The following ROBO3 variants were observed in gnomAD, a reference collection of about 807,000 sequenced individuals.
The protein encoded by ROBO3 is roundabout guidance receptor 3, also known as roundabout homolog 3.
ROBO3 carries 97 observed loss-of-function variants against 160.5 expected under a neutral mutation model. The observed-to-expected ratio is 0.60, with a 90% confidence interval of 0.51 to 0.72. The LOEUF is 0.72. Ranked by LOEUF, ROBO3 falls within the 30% of genes least tolerant of loss-of-function variation. ROBO3 has a pLI of 0.00. For missense variants in ROBO3, 1,858 were observed against 1,846.5 expected, an observed-to-expected ratio of 1.01 and a Z score of -0.11; for synonymous variants, 780 against 746.2, an observed-to-expected ratio of 1.05 and a Z score of -0.74.
chr11:124,877,441 C>G, intron 19 of ROBO3, 78 bp from the exon 20 acceptor site: 3 of 1,597,130 alleles, frequency 1.9e-6, no homozygotes, highest in Non-Finnish European at 1.7e-6. Context: ...TCCTGAAACT[C>G]CCGAATATCG....
At chr11:124,875,853 T>G (rs929697693) in intron 15 of ROBO3, 101 bp from the exon 16 acceptor site, 3 of 1,472,492 alleles carry the variant, frequency 2.0e-6, no homozygotes, top group Non-Finnish European at 2.8e-6. Flanking sequence ...CCAGGTTGAA[T>G]TACATCTGTA....
chr11:124,880,582 C>T lies in ROBO3; in HGVS notation c.4123C>T (p.Gln1375Ter). 6.4e-7 allele frequency: 1 copy of T among 1,551,052 alleles called. No individual in the cohort carries two copies. The highest frequency in any genetic ancestry group is 8.7e-7 in the Non-Finnish European group (1 of 1,147,166). ...RSRSQSRSQS[Q>*]RPGQKRREEP... ...TCGGAGTCAGAGCCGGAGCCAGAGC[C>T]AAAGGCCAGGACAGAAACGCCGAGA... The change falls in exon 27 of 28, where the codon CAA becomes TAA. Residue 1375 changes from glutamine (Q) to a stop codon, truncating the protein, a stop_gained. Coordinates refer to ENST00000397801, the MANE Select transcript of ROBO3 (RefSeq NM_022370.4). LOFTEE classifies it high-confidence loss of function.
In ROBO3 at chr11:124,870,372, G is replaced by T. The variant is rs749315447; in HGVS notation, c.905+69G>T. The T allele has an allele frequency of 3.4e-4, 530 of 1,546,942 alleles. 2 individuals carry two copies. Among genetic ancestry groups the T allele is most frequent in the Non-Finnish European group, 8.6e-5 (98 of 1,144,350 alleles). On this transcript the variant is annotated intron_variant, in intron 5 of 27. Coordinates refer to ENST00000397801, the MANE Select transcript of ROBO3 (RefSeq NM_022370.4). ...AGAGACTATTCTGCCCTAGAAAACC[G>T]GAAGACAGGCACATTCTCACTTGAG...
rs1565314590 is a variant in ROBO3 at position 124,877,422 on chromosome 11, C to A, written c.2847-97C>A. ...ATGGCCACCTCCCACCCCAACACCA[C>A]CGCCACTGTCCTGAAACTCCCGAAT... On this transcript the variant is annotated intron_variant, in intron 19 of 27. Coordinates refer to ENST00000397801, the MANE Select transcript of ROBO3 (RefSeq NM_022370.4). The A allele has an allele frequency of 3.1e-6, 5 of 1,589,844 alleles. No homozygotes were observed. In the East Asian group the frequency reaches 6.7e-5, roughly 21 times the overall value.
chr11:124,875,251 C>G lies in ROBO3; in HGVS notation c.2214C>G (p.Thr738=). The G allele has an allele frequency of 6.2e-7, 1 of 1,613,558 alleles. No homozygotes were observed. Among genetic ancestry groups the G allele is most frequent in the Non-Finnish European group, 8.5e-7 (1 of 1,179,802 alleles). Residue 738 remains threonine (T), a synonymous_variant, in exon 14 of 28, where the codon ACC becomes ACG. Coordinates refer to ENST00000397801, the MANE Select transcript of ROBO3 (RefSeq NM_022370.4). ...TGCTAAGAGGACTCCCTCCAGGGAC[C>G]CAAATCCAGATCAAGGTGCAAGCCC... ...STVLRGLPPG[T]QIQIKVQAQG... is the part of the protein sequence containing the mutation.
At position 124,877,263 on chromosome 11, in the gene ROBO3, C is replaced by A. The variant is rs547406080; in HGVS notation, c.2804-4C>A. 3.1e-6 allele frequency: 5 copies of A among 1,613,974 alleles called. No individual in the cohort carries two copies. In the East Asian group the frequency reaches 8.9e-5, roughly 29 times the overall value. Reference sequence around the variant, plus strand: ...TCACTCATTCGCCCCCTCATTTTCCCCAGTGTCCTTCCCGCACTCAGAGGG... The same window carrying A: ...TCACTCATTCGCCCCCTCATTTTCCACAGTGTCCTTCCCGCACTCAGAGGG... On this transcript the variant is annotated splice_polypyrimidine_tract_variant and splice_region_variant and intron_variant, in intron 18 of 27. Transcript: ENST00000397801.
Position 124,878,973 on chromosome 11 carries a change from A to G in ROBO3, c.3533+177A>G, listed in dbSNP as rs1946481713. ...AATATGGAGGCTGACAAGATCTCTC[A>G]TGCCCATTAGACTGGCTCTTGCTGG... On this transcript the variant is annotated intron_variant, in intron 23 of 27. Coordinates refer to ENST00000397801, the MANE Select transcript of ROBO3 (RefSeq NM_022370.4). The surrounding 1 kb of genome is among the most constrained non-coding windows in gnomAD (Gnocchi z 4.3). The G allele has an allele frequency of 2.6e-6, 2 of 757,898 alleles. No individual in the cohort carries two copies. Among genetic ancestry groups the G allele is most frequent in the Non-Finnish European group, 4.3e-6 (2 of 469,526 alleles). 46.9% of individuals were successfully genotyped at this position (757,898 alleles called of 1,614,324 possible).
chr11:124,865,706 C>A lies in ROBO3; in HGVS notation c.129C>A (p.Thr43=). Residue 43 remains threonine, a synonymous_variant, in exon 1 of 28, where the codon ACC becomes ACA. Coordinates refer to ENST00000397801, the MANE Select transcript of ROBO3 (RefSeq NM_022370.4). This position sits in a 1 kb window ranked among gnomAD's most constrained non-coding sequence, Gnocchi z 5.5. ...CCTCGCTGGCGGCGCTCAACCACAC[C>A]CTGCTGCCTCCCGGCGATCCCTCTC... The part of the protein sequence containing the change: ...FNSSLAALNH[T]LLPPGDPSLN... 1.2e-6 allele frequency: 2 copies of A among 1,610,694 alleles called. No individual in the cohort carries two copies. The highest frequency in any genetic ancestry group is 2.2e-5 in the South Asian group (2 of 90,180).
chr11:124,874,038 TA>T, intron 11 of ROBO3, 31 bp from the exon 12 acceptor site: 1 of 1,612,870 alleles, frequency 6.2e-7, no homozygotes, highest in Non-Finnish European at 8.5e-7. Flanking sequence ...GTTCCTGGCT[TA>T]GACAACCCTG....
At chr11:124,867,795 GAGGGGGC>G (rs1011585248) in intron 1 of ROBO3, among the ~76,000 whole-genome samples, 10 of 151,208 alleles carry the variant, frequency 6.6e-5, no homozygotes, top group African/African-American at 2.2e-4. Context: ...GGAACAGGGG[GAGGGGGC>G]AGGGGGCAGA....
Position 124,877,577 on chromosome 11 carries a change from C to T in ROBO3, c.2905C>T (p.Pro969Ser), listed in dbSNP as rs764306270. ...ATGGCTGGCAGATTCGTGGCCCCAC[C>T]CATCTCGAAGCCCCTCGGCCCAGGA... ...YSWLADSWPH[P>S]SRSPSAQEPR... is the part of the protein sequence containing the mutation. The change falls in exon 20 of 28, where the codon CCA (proline) becomes TCA (serine). Residue 969 changes from proline to serine, a missense_variant. Coordinates refer to ENST00000397801, the MANE Select transcript of ROBO3 (RefSeq NM_022370.4). The T allele has an allele frequency of 9.4e-6, 15 of 1,603,906 alleles. No individual in the cohort carries two copies. The Admixed American group carries it at 1.9e-4, about 20-fold the overall frequency.
Position 124,878,807 on chromosome 11 carries a change from A to T in ROBO3, c.3533+11A>T, listed in dbSNP as rs1333605319. The T allele has an allele frequency of 1.2e-6, 2 of 1,600,580 alleles. No homozygotes were observed. Among genetic ancestry groups the T allele is most frequent in the Non-Finnish European group, 1.7e-6 (2 of 1,170,642 alleles). The stretch of plus-strand genomic sequence containing the variant: ...CCATCAGATGCCCAGGTAGGGAGGT[A>T]TATAGTACCTCACTCATTGCAAGCC... On this transcript the variant is annotated intron_variant, in intron 23 of 27. Coordinates refer to ENST00000397801, the MANE Select transcript of ROBO3 (RefSeq NM_022370.4). The surrounding 1 kb of genome is among the most constrained non-coding windows in gnomAD (Gnocchi z 4.3).
Position 124,869,435 on chromosome 11 carries a change from C to A in ROBO3, c.488-15C>A. The A allele has an allele frequency of 7.2e-7, 1 of 1,395,562 alleles. No homozygotes were observed. Among genetic ancestry groups the A allele is most frequent in the Non-Finnish European group, 9.9e-7 (1 of 1,008,724 alleles). The allele number at this position is 1,395,562 out of a possible 1,614,324, so 86.4% of individuals were successfully genotyped here. ...TCTACACCCTGCTTATTTCGCCCCCCACCGCCCCGCCCAGTCCTCCGTGAT... is the reference window on the plus strand; with the variant it reads ...TCTACACCCTGCTTATTTCGCCCCCAACCGCCCCGCCCAGTCCTCCGTGAT... On this transcript the variant is annotated splice_polypyrimidine_tract_variant and intron_variant, in intron 2 of 27. Coordinates refer to ENST00000397801, the MANE Select transcript of ROBO3 (RefSeq NM_022370.4). This position sits in a 1 kb window ranked among gnomAD's most constrained non-coding sequence, Gnocchi z 4.2.
At position 124,874,660 on chromosome 11, in the gene ROBO3, C is replaced by G; in HGVS notation, c.1952-128C>G. The G allele has an allele frequency of 6.9e-6, 8 of 1,153,870 alleles. 1 individual carries two copies. The South Asian group carries it at 1.5e-4, about 21-fold the overall frequency. 71.5% of individuals were successfully genotyped at this position (1,153,870 alleles called of 1,614,324 possible). A position where few individuals can be genotyped will look rare whatever the true frequency, so the allele number is the denominator to read the frequency against. ...TCTGGAAGCTATTTTCCTGACCAGT[C>G]CCCTCCTGACCATGGGGTGTGCTCT... On this transcript the variant is annotated intron_variant, in intron 12 of 27. Coordinates refer to ENST00000397801, the MANE Select transcript of ROBO3 (RefSeq NM_022370.4).
At position 124,869,515 on chromosome 11, in the gene ROBO3, C is replaced by T. The variant is rs1946251310; in HGVS notation, c.553C>T (p.Leu185=). 2 of 1,543,276 alleles carry T rather than the reference C, an allele frequency of 1.3e-6. No individual in the cohort carries two copies. Among genetic ancestry groups the T allele is most frequent in the Admixed American group, 1.9e-5 (1 of 51,516 alleles). The change falls in exon 3 of 28, where the codon CTG becomes TTG. Residue 185 remains leucine (L), a synonymous_variant. Coordinates refer to ENST00000397801, the MANE Select transcript of ROBO3 (RefSeq NM_022370.4). The surrounding 1 kb of genome is among the most constrained non-coding windows in gnomAD (Gnocchi z 4.2). ...GGTGGCAGTGGGGGAGCCAGCAGTA[C>T]TGGAATGCGTGCCCCCCCGCGGCCA... is the stretch of plus-strand genomic sequence containing the variant. ...VVVAVGEPAV[L]ECVPPRGHPE...
intron 26 of ROBO3, 21 bp from the exon 27 acceptor site, chr11:124,880,397 C>T (rs2135350225): frequency 1.9e-6 from 3 of 1,612,328 alleles, no homozygotes; most frequent in Non-Finnish European, 2.5e-6. Context: ...CACCTGGCTA[C>T]CCTTCCCTCT....
Position 124,875,652 on chromosome 11 carries a change from C to G in ROBO3, c.2388C>G (p.Pro796=). The G allele has an allele frequency of 2.5e-6, 4 of 1,609,744 alleles. No homozygotes were observed. Among genetic ancestry groups the G allele is most frequent in the Non-Finnish European group, 3.4e-6 (4 of 1,178,186 alleles). ...SITVSWEPPL[P]SQQNGVITEY... ...CTGTGTCCTGGGAACCTCCACTCCC[C>G]TCCCAGCAAAATGGGGTCATCACGG... The change falls in exon 15 of 28, where the codon CCC becomes CCG. Residue 796 remains proline (P), a synonymous_variant. Transcript: ENST00000397801.
Position 124,878,565 on chromosome 11 carries a change from C to T in ROBO3, c.3321-19C>T. 1.2e-6 allele frequency: 2 copies of T among 1,607,892 alleles called. No individual in the cohort carries two copies. Among genetic ancestry groups the T allele is most frequent in the Non-Finnish European group, 1.7e-6 (2 of 1,177,064 alleles). On this transcript the variant is annotated intron_variant, in intron 22 of 27. Transcript: ENST00000397801. This position sits in a 1 kb window ranked among gnomAD's most constrained non-coding sequence, Gnocchi z 4.3. ...AAGCAGCTGAGCCCTTTCCTTCTCT[C>T]CTGCCTCTTTGATCCCAGCTCAGAG...
In ROBO3 at chr11:124,873,373, G is replaced by T. The variant is rs754472114; in HGVS notation, c.1600G>T (p.Gly534Cys). The T allele has an allele frequency of 6.2e-7, 1 of 1,612,342 alleles. No individual in the cohort carries two copies. Among genetic ancestry groups the T allele is most frequent in the African/African-American group, 1.3e-5 (1 of 75,022 alleles). The change falls in exon 10 of 28, where the codon GGC (glycine) becomes TGC (cysteine). Residue 534 changes from glycine to cysteine, a missense_variant. Coordinates refer to ENST00000397801, the MANE Select transcript of ROBO3 (RefSeq NM_022370.4). This position sits in a 1 kb window ranked among gnomAD's most constrained non-coding sequence, Gnocchi z 4.5. ...KSSTGEATWS[G>C]WLKMREDWGV... is the part of the protein sequence containing the mutation. ...TTCCACAGGGGAAGCCACATGGAGC[G>T]GCTGGCTTAAGATGCGGGGTGAGTT...
Sources: allele counts gnomAD v4.1 joint callset (sites outside exome capture counted in the v4.1 genomes callset), GRCh38; gene constraint gnomAD v4.1.1; non-coding constraint Gnocchi (gnomAD v3.1); transcripts MANE v1.5; gene names NCBI Gene and HGNC (gene_info 2026-07-23, HGNC 2026-07-21).